The following CLDN14 variants were observed in gnomAD, a reference collection of about 807,000 sequenced individuals.
CLDN14 encodes the protein claudin-14.
In CLDN14, 2 loss-of-function variants were observed where a neutral mutation model predicts 2.1. The observed-to-expected ratio is 0.96, with a 90% CI of 0.39 to 3.01. CLDN14 has a LOEUF of 3.01. Ranked by LOEUF, CLDN14 falls within the 30% of genes most tolerant of loss-of-function variation. CLDN14 has a pLI of 0.09. For missense variants in CLDN14, 298 were observed against 328.0 expected, an observed-to-expected ratio of 0.91 and a Z score of 0.71; for synonymous variants, 136 against 154.4, an observed-to-expected ratio of 0.88 and a Z score of 0.88.
At position 36,570,121 on chromosome 21, in the gene CLDN14, TA is replaced by T. The variant is rs2087699181; in HGVS notation, c.-220+6289del. Among the ~76,000 whole-genome samples, 3 of 152,334 alleles carry T rather than the reference TA, an allele frequency of 2.0e-5. No homozygotes were observed. In the South Asian group the frequency reaches 6.2e-4, roughly 32 times the overall value. ...ACAACTCCGGGGATGGCTTTCAGGTTATAGGTAGATTTAAAAATTTCCTTAT... is the reference window on the plus strand; with the variant it reads ...ACAACTCCGGGGATGGCTTTCAGGTTTAGGTAGATTTAAAAATTTCCTTAT... On this transcript the variant is annotated intron_variant, in intron 1 of 2. Transcript: ENST00000342108.
At chr21:36,564,949 C>A (rs1200211721) in intron 1 of CLDN14, among the ~76,000 whole-genome samples, 3 of 152,176 alleles carry the variant, frequency 2.0e-5, no homozygotes, top group African/African-American at 7.2e-5. Context: ...AAGTTGATTC[C>A]CCCAGGGCCT....
intron 2 of CLDN14, chr21:36,486,740 T>G: frequency 1.0e-6 from 1 of 996,504 alleles, no homozygotes; most frequent in African/African-American, 1.6e-5. Flanking sequence ...CAGATCCTTC[T>G]CATTGCCTTT....
chr21:36,569,848 G>T (rs188367608), intron 1 of CLDN14, among the ~76,000 whole-genome samples: 2 of 152,304 alleles, frequency 1.3e-5, no homozygotes, highest in East Asian at 1.9e-4. Flanking sequence ...AGCAGTGAAG[G>T]CTTCTTGGCA....
chr21:36,573,727 T>C (rs190110485), intron 1 of CLDN14, among the ~76,000 whole-genome samples: 2 of 152,302 alleles, frequency 1.3e-5, no homozygotes, highest in Admixed American at 1.3e-4. Flanking sequence ...GGCTATAATA[T>C]ACAAAGTCAC....
intron 1 of CLDN14, among the ~76,000 whole-genome samples, chr21:36,512,893 C>A: frequency 6.6e-6 from 1 of 152,156 alleles, no homozygotes; most frequent in East Asian, 1.9e-4. Context: ...ACAAGAAAGT[C>A]TTTCTATATT....
At chr21:36,504,665 C>T (rs1466105407) in intron 2 of CLDN14, among the ~76,000 whole-genome samples, 4 of 152,152 alleles carry the variant, frequency 2.6e-5, no homozygotes, top group African/African-American at 7.2e-5. Context: ...AAAACAATTG[C>T]TTCCCTTTTA....
intron 2 of CLDN14, chr21:36,485,851 T>G: frequency 1.9e-6 from 1 of 528,184 alleles, no homozygotes; most frequent in South Asian, 2.7e-5. Flanking sequence ...AGGTTCCATT[T>G]CCTTTTTTTT....
intron 1 of CLDN14, among the ~76,000 whole-genome samples, chr21:36,537,248 A>C (rs1055746351): frequency 1.3e-5 from 2 of 151,976 alleles, no homozygotes; most frequent in Non-Finnish European, 2.9e-5. Context: ...AGAGAGAGAG[A>C]GAAAAAAAAA....
chr21:36,527,048 TAAG>T (rs1439608471), intron 1 of CLDN14, among the ~76,000 whole-genome samples: 3 of 152,130 alleles, frequency 2.0e-5, no homozygotes, highest in Non-Finnish European at 2.9e-5. Context: ...GCCCCCCAAA[TAAG>T]AAGAAAGCAA....
intron 2 of CLDN14, among the ~76,000 whole-genome samples, chr21:36,490,727 GTC>G (rs773601906): frequency 3.3e-5 from 5 of 151,990 alleles, no homozygotes; most frequent in Non-Finnish European, 7.4e-5. Context: ...TAGAGATGGG[GTC>G]TCTCTATGCT....
intron 2 of CLDN14, among the ~76,000 whole-genome samples, chr21:36,501,027 C>A (rs1003022496): frequency 1.3e-5 from 2 of 152,332 alleles, no homozygotes; most frequent in East Asian, 3.9e-4. Flanking sequence ...CAGCTAACAC[C>A]CGGGGGGTGC....
At chr21:36,483,550 C>A (rs928906810), upstream of CLDN14, among the ~76,000 whole-genome samples, 4 of 152,214 alleles carry the variant, frequency 2.6e-5, no homozygotes, top group Admixed American at 1.3e-4. Context: ...CTCATAGGAA[C>A]CATGCGGTGA....
intron 2 of CLDN14, among the ~76,000 whole-genome samples, chr21:36,500,405 A>C (rs1252462019): frequency 2.0e-5 from 3 of 152,166 alleles, no homozygotes; most frequent in African/African-American, 7.2e-5. Flanking sequence ...ATTTCCCAGG[A>C]AAGAGATACA....
chr21:36,461,885 G>T, intron 1 of CLDN14, 109 bp from the exon 2 acceptor site: 1 of 704,876 alleles, frequency 1.4e-6, no homozygotes, highest in Non-Finnish European at 2.3e-6. Context: ...GGTGGTTGGT[G>T]TGGCAATTAG....
intron 1 of CLDN14, among the ~76,000 whole-genome samples, chr21:36,570,213 T>C (rs1484961459): frequency 6.6e-6 from 1 of 152,202 alleles, no homozygotes; most frequent in African/African-American, 2.4e-5. Flanking sequence ...GTCTAGGTTA[T>C]GATGATAAGG....
chr21:36,488,645 G>C (rs1279244335), intron 2 of CLDN14, among the ~76,000 whole-genome samples: 1 of 150,504 alleles, frequency 6.6e-6, no homozygotes, highest in Non-Finnish European at 1.5e-5. Flanking sequence ...GGTGCCAGGG[G>C]CTGAGGGCGG....
At chr21:36,572,212 T>C (rs952760532) in intron 1 of CLDN14, among the ~76,000 whole-genome samples, 1 of 152,088 alleles carries the variant, frequency 6.6e-6, no homozygotes, top group Non-Finnish European at 1.5e-5. Context: ...TGTTTAGGGG[T>C]CGCTATGTAA....
intron 2 of CLDN14, among the ~76,000 whole-genome samples, chr21:36,491,245 A>G (rs2086961553): frequency 6.6e-6 from 1 of 152,128 alleles, no homozygotes; most frequent in Non-Finnish European, 1.5e-5. Context: ...AACTTCACTC[A>G]CAGTCTCTTT....
At chr21:36,539,270 G>A (rs902078107) in intron 1 of CLDN14, among the ~76,000 whole-genome samples, 1 of 152,210 alleles carries the variant, frequency 6.6e-6, no homozygotes, top group Non-Finnish European at 1.5e-5. Context: ...TGGGAGACAT[G>A]GCAATGAAAT....
Sources: gnomAD v4.1 joint callset for allele counts (sites outside exome capture counted in the v4.1 genomes callset) on GRCh38, gnomAD v4.1.1 for gene constraint, MANE v1.5 for transcripts, NCBI Gene and HGNC (gene_info 2026-07-23, HGNC 2026-07-21) for gene names.